Variants in PTPRN2 observed in about 807,000 individuals in gnomAD.
PTPRN2 encodes protein tyrosine phosphatase receptor type N2.
Under a neutral mutation model 118.8 loss-of-function variants are expected in PTPRN2, and 74 were observed. The observed-to-expected ratio is 0.62, with a 90% CI of 0.52 to 0.76. The LOEUF (loss-of-function observed/expected upper bound fraction) is 0.76, where lower values mean the gene tolerates loss of function less well. PTPRN2 is among the 30% of genes least tolerant of loss of function. The pLI, the probability that PTPRN2 is intolerant of heterozygous loss-of-function variation, is 0.00. For missense variants in PTPRN2, 1,481 were observed against 1,394.4 expected (o/e 1.06, Z -0.99); for synonymous variants, 641 against 608.0 (o/e 1.05, Z -0.80).
At chr7:157,817,084 G>T (rs957273764) in intron 12 of PTPRN2, among the ~76,000 whole-genome samples, 1 of 152,198 alleles carries the variant, frequency 6.6e-6, no homozygotes, top group Non-Finnish European at 1.5e-5. Flanking sequence ...TGCACCGGGG[G>T]TGTCGGCATG....
Position 158,550,878 on chromosome 7 carries a change from C to T in PTPRN2, c.112+36680G>A, listed in dbSNP as rs112209975. 5.3e-3 allele frequency among the ~76,000 whole-genome samples: 806 copies of T among 152,320 alleles called. 6 individuals are homozygous for T. The highest frequency in any genetic ancestry group is 0.018 in the African/African-American group (761 of 41,566). ...AGCTTTTTTAACTCCATCAGGCGGC[C>T]GTCGCGCTTCCCTTCACGCTTTCCT... is the stretch of plus-strand genomic sequence containing the variant. On this transcript the variant is annotated intron_variant, in intron 1 of 22. Coordinates refer to ENST00000389418, the MANE Select transcript of PTPRN2 (RefSeq NM_002847.5).
rs1181991610 is a variant in PTPRN2 at position 157,671,105 on chromosome 7, C to T, written c.2001+11620G>A. ...TTCCAAGAGGGTTTACATGCTCCCC[C>T]GCCCCCCGTCCCCTGCCCACAGACC... On this transcript the variant is annotated intron_variant, in intron 13 of 22. Coordinates refer to ENST00000389418, the MANE Select transcript of PTPRN2 (RefSeq NM_002847.5). The surrounding 1 kb of genome is among the most constrained non-coding windows in gnomAD (Gnocchi z 4.1). Among the ~76,000 whole-genome samples, 3 of 142,904 alleles carry T rather than the reference C, an allele frequency of 2.1e-5. No individual in the cohort carries two copies. The highest frequency in any genetic ancestry group is 7.5e-5 in the African/African-American group (3 of 40,006). 93.8% of individuals were successfully genotyped at this position (142,904 alleles called of 152,430 possible). A position where few individuals can be genotyped will look rare whatever the true frequency, so the allele number is the denominator to read the frequency against.
chr7:158,111,015 A>G, intron 9 of PTPRN2, 100 bp from the exon 10 acceptor site: 1 of 1,012,444 alleles, frequency 9.9e-7, no homozygotes. Flanking sequence ...TGGTCCCCAC[A>G]CACACCCTGC....
intron 12 of PTPRN2, among the ~76,000 whole-genome samples, chr7:157,709,979 T>C (rs1044275139): frequency 1.3e-5 from 2 of 152,080 alleles, no homozygotes; most frequent in African/African-American, 4.8e-5. Flanking sequence ...GGGCAAACCG[T>C]GGATGCTGGA....
At chr7:157,822,505 T>C (rs936981809) in intron 12 of PTPRN2, among the ~76,000 whole-genome samples, 4 of 151,916 alleles carry the variant, frequency 2.6e-5, no homozygotes, top group African/African-American at 9.7e-5. Flanking sequence ...CATCCACCTA[T>C]ATATTAGCCA....
intron 2 of PTPRN2, among the ~76,000 whole-genome samples, chr7:158,317,166 G>A (rs555533567): frequency 2.0e-5 from 3 of 152,292 alleles, no homozygotes; most frequent in Admixed American, 2.0e-4. Flanking sequence ...AGTCCAGTGT[G>A]GCTGCAATGT....
chr7:158,220,147 G>A (rs1447134503), intron 3 of PTPRN2, among the ~76,000 whole-genome samples: 1 of 151,828 alleles, frequency 6.6e-6, no homozygotes. Context: ...GGCATCAAAG[G>A]ACAAAGATAA....
In PTPRN2 at chr7:157,585,647, C is replaced by T. The variant is rs956996388; in HGVS notation, c.2497-7507G>A. ...GTTAAATATGCGCCTGGTCTCCTTGCGGGGAGCTGCTGCACTGGGCGGCCT... is the reference window on the plus strand; with the variant it reads ...GTTAAATATGCGCCTGGTCTCCTTGTGGGGAGCTGCTGCACTGGGCGGCCT... On this transcript the variant is annotated intron_variant, in intron 17 of 22. Transcript: ENST00000389418. The surrounding 1 kb of genome is among the most constrained non-coding windows in gnomAD (Gnocchi z 5.2). Among the ~76,000 whole-genome samples, 1 of 152,156 alleles carries T rather than the reference C, an allele frequency of 6.6e-6. No homozygotes were observed. The highest frequency in any genetic ancestry group is 1.5e-5 in the Non-Finnish European group (1 of 68,040).
chr7:158,025,848 C>T lies in PTPRN2; in HGVS notation c.1723+55450G>A, dbSNP rs143671438. On this transcript the variant is annotated intron_variant, in intron 11 of 22. Coordinates refer to ENST00000389418, the MANE Select transcript of PTPRN2 (RefSeq NM_002847.5). ...GCGCCAGGCCAGGGATTAACGAGCC[C>T]GGCAGACAATTCCAATCCGGAGTGG... 1.2e-3 allele frequency among the ~76,000 whole-genome samples: 186 copies of T among 152,352 alleles called. 1 individual carries two copies. The highest frequency in any genetic ancestry group is 4.0e-3 in the African/African-American group (166 of 41,588).
chr7:157,678,964 T>G (rs1481706186), intron 13 of PTPRN2, among the ~76,000 whole-genome samples: 1 of 152,078 alleles, frequency 6.6e-6, no homozygotes, highest in Non-Finnish European at 1.5e-5. Flanking sequence ...TTGGCACAGT[T>G]TTTACCCAAT....
At chr7:158,413,526 G>T (rs1419843007) in intron 2 of PTPRN2, among the ~76,000 whole-genome samples, 1 of 152,240 alleles carries the variant, frequency 6.6e-6, no homozygotes, top group Admixed American at 6.5e-5. Flanking sequence ...CACAGATGAG[G>T]ATCTCTTGTC....
At chr7:158,120,758 G>C (rs1294550614) in intron 9 of PTPRN2, among the ~76,000 whole-genome samples, 2 of 152,152 alleles carry the variant, frequency 1.3e-5, no homozygotes, top group African/African-American at 4.8e-5. Flanking sequence ...ATCCTCCAGG[G>C]CCATCTGAAC....
intron 21 of PTPRN2, among the ~76,000 whole-genome samples, chr7:157,552,642 G>T (rs1373880971): frequency 6.6e-6 from 1 of 152,224 alleles, no homozygotes; most frequent in Non-Finnish European, 1.5e-5. Flanking sequence ...CCAGTCTTGT[G>T]TAATTAAAAA....
At chr7:157,715,711 G>A (rs60759861) in intron 12 of PTPRN2, among the ~76,000 whole-genome samples, 12,332 of 152,282 alleles carry the variant, frequency 0.081, 1,017 homozygotes, top group African/African-American at 0.21. Flanking sequence ...AGAAAACGGC[G>A]GTCTCCGCCG....
At chr7:158,072,239 G>T (rs1197776724) in intron 11 of PTPRN2, among the ~76,000 whole-genome samples, 1 of 152,142 alleles carries the variant, frequency 6.6e-6, no homozygotes, top group African/African-American at 2.4e-5. Flanking sequence ...CAAATACGTA[G>T]AATGCTGTCC....
intron 2 of PTPRN2, among the ~76,000 whole-genome samples, chr7:158,432,892 G>A (rs927861914): frequency 2.6e-5 from 4 of 152,128 alleles, no homozygotes; most frequent in East Asian, 1.9e-4. Flanking sequence ...AAGAGGCCCC[G>A]CGCCCTGACA....
Position 157,814,336 on chromosome 7 carries a change from C to T in PTPRN2, c.1788+84337G>A, listed in dbSNP as rs557950119. On this transcript the variant is annotated intron_variant, in intron 12 of 22. Coordinates refer to ENST00000389418, the MANE Select transcript of PTPRN2 (RefSeq NM_002847.5). The stretch of plus-strand genomic sequence containing the variant: ...GCTCCCCCGGAGAAGGCCACGTCCA[C>T]GGTGCCGCCTGACAGCAATGGCTTC... 6.6e-5 allele frequency among the ~76,000 whole-genome samples: 10 copies of T among 152,220 alleles called. No homozygotes were observed. The East Asian group carries it at 9.7e-4, about 15-fold the overall frequency.
At chr7:158,564,002 T>C (rs1035594083) in intron 1 of PTPRN2, among the ~76,000 whole-genome samples, 2 of 152,152 alleles carry the variant, frequency 1.3e-5, no homozygotes, top group Non-Finnish European at 2.9e-5. Context: ...GCTGCTGGGA[T>C]GATTAAACAA....
At chr7:157,705,569 G>C (rs1170460788) in intron 12 of PTPRN2, among the ~76,000 whole-genome samples, 1 of 152,022 alleles carries the variant, frequency 6.6e-6, no homozygotes, top group East Asian at 1.9e-4. Flanking sequence ...TCTGACCCAG[G>C]TGCCTTCCGG....
Sources: allele counts gnomAD v4.1 joint callset (sites outside exome capture counted in the v4.1 genomes callset), GRCh38; gene constraint gnomAD v4.1.1; non-coding constraint Gnocchi (gnomAD v3.1); transcripts MANE v1.5; gene names NCBI Gene and HGNC (gene_info 2026-07-23, HGNC 2026-07-21).